The following PBX4 variants were observed in gnomAD, a reference collection of about 807,000 sequenced individuals.
The protein encoded by PBX4 is pre-B-cell leukemia transcription factor 4.
Under a neutral mutation model 35.1 loss-of-function variants are expected in PBX4, and 26 were observed. The ratio of observed to expected loss-of-function variants is 0.74; its 90% CI spans 0.54 to 1.03. The LOEUF (loss-of-function observed/expected upper bound fraction) is 1.03, where lower values mean the gene tolerates loss of function less well. Ranked by LOEUF, PBX4 falls within the 50% of genes least tolerant of loss-of-function variation. The pLI is 0.00. For synonymous variants in PBX4, 199 were observed against 204.2 expected (o/e 0.97, Z 0.22); for missense variants, 448 against 504.3 (o/e 0.89, Z 1.07).
intron 1 of PBX4, among the ~76,000 whole-genome samples, chr19:19,612,770 C>T (rs903509846): frequency 5.3e-5 from 8 of 152,050 alleles, no homozygotes; most frequent in African/African-American, 1.7e-4. Context: ...GGCCAGAAAC[C>T]AGGAACCAGC....
intron 2 of PBX4, among the ~76,000 whole-genome samples, chr19:19,585,949 T>C (rs1047034352): frequency 6.6e-6 from 1 of 152,220 alleles, no homozygotes; most frequent in Non-Finnish European, 1.5e-5. Context: ...AAAGCCTGTT[T>C]GGTGGTCTCT....
In PBX4 at chr19:19,611,403, G is replaced by A. The variant is rs907273844; in HGVS notation, c.119+7108C>T. Among the ~76,000 whole-genome samples the A allele has an allele frequency of 6.6e-5, 10 of 152,022 alleles. 1 individual carries two copies. The highest frequency in any genetic ancestry group is 1.4e-4 in the African/African-American group (6 of 41,390). On this transcript the variant is annotated intron_variant, in intron 1 of 7. Coordinates refer to ENST00000251203, the MANE Select transcript of PBX4 (RefSeq NM_025245.3). ...AAAATCAAATTAAAAAGAGAAGGCCGGGCATGGTGGCTCACACCTGTAATC... is the reference window on the plus strand; with the variant it reads ...AAAATCAAATTAAAAAGAGAAGGCCAGGCATGGTGGCTCACACCTGTAATC...
chr19:19,587,395 C>G (rs1165735504), intron 2 of PBX4, among the ~76,000 whole-genome samples: 1 of 151,532 alleles, frequency 6.6e-6, no homozygotes, highest in Non-Finnish European at 1.5e-5. Context: ...TGAGACCAGC[C>G]TGGCCAACGT....
intron 2 of PBX4, among the ~76,000 whole-genome samples, chr19:19,590,846 T>C (rs756665130): frequency 5.3e-5 from 8 of 152,180 alleles, no homozygotes; most frequent in Non-Finnish European, 1.2e-4. Context: ...TATACAATGA[T>C]CCACTTCTCT....
chr19:19,616,645 G>A (rs1174532110), intron 1 of PBX4, among the ~76,000 whole-genome samples: 1 of 151,680 alleles, frequency 6.6e-6, no homozygotes, highest in African/African-American at 2.4e-5. Context: ...ACTGAGATTC[G>A]TAGGCCCCAT....
chr19:19,608,308 C>G (rs1231914795), intron 1 of PBX4: 4 of 150,898 alleles, frequency 2.7e-5, no homozygotes, highest in Non-Finnish European at 2.9e-5. Context: ...GAGCCAAGAT[C>G]GTGCCACTGC....
chr19:19,607,244 G>A (rs1013803072), intron 1 of PBX4, among the ~76,000 whole-genome samples: 1 of 152,008 alleles, frequency 6.6e-6, no homozygotes, highest in Non-Finnish European at 1.5e-5. Flanking sequence ...AGTAAAGGCG[G>A]GGTTTCATCA....
intron 1 of PBX4, among the ~76,000 whole-genome samples, chr19:19,612,190 T>C (rs919278827): frequency 6.6e-6 from 1 of 152,006 alleles, no homozygotes; most frequent in Non-Finnish European, 1.5e-5. Flanking sequence ...TGAGGCAGAA[T>C]TGCTTGAACC....
intron 1 of PBX4, among the ~76,000 whole-genome samples, chr19:19,601,881 G>C (rs924235224): frequency 1.3e-5 from 2 of 152,132 alleles, no homozygotes; most frequent in African/African-American, 4.8e-5. Flanking sequence ...GCTCATGCCT[G>C]TAATTCTAGC....
chr19:19,574,271 A>G (rs1196486497), intron 2 of PBX4, among the ~76,000 whole-genome samples: 4 of 152,222 alleles, frequency 2.6e-5, no homozygotes, highest in Admixed American at 1.3e-4. Context: ...ACTATATCAG[A>G]GTGGGTATTC....
chr19:19,587,805 T>A (rs980441860), intron 2 of PBX4, among the ~76,000 whole-genome samples: 4 of 151,648 alleles, frequency 2.6e-5, no homozygotes, highest in African/African-American at 9.7e-5. Context: ...CATATCAATA[T>A]GGAGAACAGA....
chr19:19,605,215 A>C (rs2061622560), intron 1 of PBX4, among the ~76,000 whole-genome samples: 2 of 151,232 alleles, frequency 1.3e-5, no homozygotes, highest in South Asian at 4.2e-4. Flanking sequence ...CAAAAGATAG[A>C]GACCATCCTG....
At chr19:19,603,694 C>T (rs1319185466) in intron 1 of PBX4, among the ~76,000 whole-genome samples, 11 of 152,140 alleles carry the variant, frequency 7.2e-5, no homozygotes, top group African/African-American at 1.4e-4. Context: ...CAGTGGCTCA[C>T]GCCTGTAATC....
At chr19:19,597,503 G>A (rs1295539373) in intron 2 of PBX4, among the ~76,000 whole-genome samples, 1 of 152,160 alleles carries the variant, frequency 6.6e-6, no homozygotes, top group African/African-American at 2.4e-5. Context: ...AGCCAGAGGT[G>A]GAGGCAGAAT....
intron 2 of PBX4, among the ~76,000 whole-genome samples, chr19:19,580,981 C>T (rs113938851): frequency 0.046 from 6,956 of 152,246 alleles, 539 homozygotes; most frequent in African/African-American, 0.16. Flanking sequence ...GATCCTCCTG[C>T]CTTGGCCTCC....
At chr19:19,595,996 G>T (rs1182692819) in intron 2 of PBX4, among the ~76,000 whole-genome samples, 5 of 152,172 alleles carry the variant, frequency 3.3e-5, no homozygotes, top group African/African-American at 1.2e-4. Flanking sequence ...ACTTTGGGAG[G>T]CCAAGGTGGG....
In PBX4 at chr19:19,570,757, A is replaced by T. The variant is rs2061377625; in HGVS notation, c.270T>A (p.Ala90=). The T allele has an allele frequency of 6.2e-7, 1 of 1,613,948 alleles. No homozygotes were observed. Among genetic ancestry groups the T allele is most frequent in the Non-Finnish European group, 8.5e-7 (1 of 1,180,028 alleles). ...TCTTCTCGGGCCTGCACACGCCCTCAGCCAGCAGCATGTTATCCAGCCTCA... is the reference window on the plus strand; with the variant it reads ...TCTTCTCGGGCCTGCACACGCCCTCTGCCAGCAGCATGTTATCCAGCCTCA... ...QLLRLDNMLL[A]EGVCRPEKRG... Residue 90 remains alanine, a synonymous_variant, in exon 3 of 8, where the codon GCT becomes GCA. Transcript: ENST00000251203.
intron 1 of PBX4, among the ~76,000 whole-genome samples, chr19:19,604,787 A>C (rs2061619845): frequency 6.6e-6 from 1 of 151,448 alleles, no homozygotes; most frequent in Non-Finnish European, 1.5e-5. Flanking sequence ...TTTTTAGTAT[A>C]GACAGGGTTT....
At chr19:19,611,628 G>A (rs1320320993) in intron 1 of PBX4, among the ~76,000 whole-genome samples, 2 of 146,168 alleles carry the variant, frequency 1.4e-5, no homozygotes, top group African/African-American at 2.5e-5. Flanking sequence ...GCAGTGAGCC[G>A]AGATCATGCC....
Sources: allele counts gnomAD v4.1 joint callset (sites outside exome capture counted in the v4.1 genomes callset), GRCh38; gene constraint gnomAD v4.1.1; transcripts MANE v1.5; gene names NCBI Gene and HGNC (gene_info 2026-07-23, HGNC 2026-07-21).